Variants in NR2C1 observed in about 807,000 individuals in gnomAD.
NR2C1 encodes the protein nuclear receptor subfamily 2 group C member 1, also known as TR2 nuclear hormone receptor.
A neutral mutation model predicts 74.8 loss-of-function variants in NR2C1; 33 were observed. The observed-to-expected ratio is 0.44, with a 90% CI of 0.33 to 0.59. NR2C1 has a LOEUF of 0.59. Ranked by LOEUF, NR2C1 falls within the 20% of genes least tolerant of loss-of-function variation. The pLI is 0.02. For missense variants in NR2C1, 568 were observed against 715.6 expected, an observed-to-expected ratio of 0.79 and a Z score of 2.35; for synonymous variants, 225 against 240.6, an observed-to-expected ratio of 0.94 and a Z score of 0.60.
At chr12:95,046,774 C>T (rs1209456801) in intron 9 of NR2C1, among the ~76,000 whole-genome samples, 2 of 151,984 alleles carry the variant, frequency 1.3e-5, no homozygotes, top group Non-Finnish European at 2.9e-5. Context: ...TCTTGAAACC[C>T]ATGATCAGAA....
intron 9 of NR2C1, among the ~76,000 whole-genome samples, chr12:95,043,068 A>C (rs115682965): frequency 0.012 from 1,825 of 151,952 alleles, 27 homozygotes; most frequent in African/African-American, 0.042. Context: ...TTTTGAGACC[A>C]ACCTGGGAAA....
At chr12:95,051,245 TG>T (rs1409971811) in intron 8 of NR2C1, among the ~76,000 whole-genome samples, 2 of 152,192 alleles carry the variant, frequency 1.3e-5, no homozygotes, top group African/African-American at 2.4e-5. Flanking sequence ...CCTCTCATGA[TG>T]GGTTGCAGTC....
At chr12:95,045,342 CAT>C (rs1277112277) in intron 9 of NR2C1, among the ~76,000 whole-genome samples, 1 of 152,162 alleles carries the variant, frequency 6.6e-6, no homozygotes, top group Non-Finnish European at 1.5e-5. Context: ...AATTTCATAA[CAT>C]ATGGGCAATG....
At chr12:95,036,093 A>G (rs998308692) in intron 10 of NR2C1, among the ~76,000 whole-genome samples, 1 of 152,184 alleles carries the variant, frequency 6.6e-6, no homozygotes, top group African/African-American at 2.4e-5. Flanking sequence ...AGACTCCTCC[A>G]TTTAAGGTTA....
chr12:95,030,506 T>A, intron 11 of NR2C1: 1 of 1,586,156 alleles, frequency 6.3e-7, no homozygotes, highest in African/African-American at 1.4e-5. Flanking sequence ...GAAGGTAGGC[T>A]TTATAACCAT....
At chr12:95,070,728 C>G (rs1468538987) in intron 1 of NR2C1, among the ~76,000 whole-genome samples, 1 of 152,202 alleles carries the variant, frequency 6.6e-6, no homozygotes, top group East Asian at 1.9e-4. Context: ...ATTATGCATT[C>G]ACAAGGTGCC....
chr12:95,063,674 C>CAA (rs34653320), intron 2 of NR2C1, among the ~76,000 whole-genome samples: 16,952 of 139,246 alleles, frequency 0.12, 1,314 homozygotes, highest in Non-Finnish European at 0.18. Context: ...GACCCTGTCT[C>CAA]AAAAAAAAAA....
chr12:95,060,617 T>C (rs1874651938), intron 3 of NR2C1, among the ~76,000 whole-genome samples: 1 of 152,234 alleles, frequency 6.6e-6, no homozygotes. Flanking sequence ...ACTGCACCAC[T>C]GCACTTTGGC....
At chr12:95,054,509 T>G (rs1873541959) in intron 7 of NR2C1, among the ~76,000 whole-genome samples, 1 of 151,984 alleles carries the variant, frequency 6.6e-6, no homozygotes, top group African/African-American at 2.4e-5. Context: ...TCGCTATGTT[T>G]CCCAGGTTGG....
rs550069594 is a variant in NR2C1 at position 95,053,681 on chromosome 12, G to GTTTTTT, written c.784-1744_784-1739dup. Among the ~76,000 whole-genome samples, 462 of 103,368 alleles carry GTTTTTT rather than the reference G, an allele frequency of 4.5e-3. 15 individuals are homozygous for GTTTTTT. The highest frequency in any genetic ancestry group is 0.015 in the African/African-American group (379 of 24,976). 67.8% of individuals were successfully genotyped at this position (103,368 alleles called of 152,430 possible). On this transcript the variant is annotated intron_variant, in intron 7 of 13. Transcript: ENST00000333003. ...TTCTTCATGGTTTTTTCTTTTTGGT[G>GTTTTTT]TTTTTTTTTTTTTTTTTTTTTGAGA...
chr12:95,062,490 A>ACTTCTATAG lies in NR2C1; in HGVS notation c.285+9_285+17dup, dbSNP rs1286227039. 6.6e-7 allele frequency: 1 copy of ACTTCTATAG among 1,524,488 alleles called. No homozygotes were observed. The highest frequency in any genetic ancestry group is 9.0e-7 in the Non-Finnish European group (1 of 1,114,132). 94.4% of individuals were successfully genotyped at this position (1,524,488 alleles called of 1,614,324 possible). A position where few individuals can be genotyped will look rare whatever the true frequency, so the allele number is the denominator to read the frequency against. ...TTTTATATATGTAAGAGGAAAAGAC[A>ACTTCTATAG]CTTCTATAGTTATTTACCTGCAGGT... is the stretch of plus-strand genomic sequence containing the variant. On this transcript the variant is annotated intron_variant, in intron 3 of 13. Transcript: ENST00000333003.
chr12:95,028,266 T>C, intron 12 of NR2C1, 121 bp downstream of exon 12: 2 of 721,218 alleles, frequency 2.8e-6, no homozygotes, highest in Non-Finnish European at 4.5e-6. Flanking sequence ...TTTGAAGAAC[T>C]ACTGAACTCT....
At chr12:95,024,651 G>A (rs555478240) in intron 13 of NR2C1, among the ~76,000 whole-genome samples, 12 of 152,068 alleles carry the variant, frequency 7.9e-5, no homozygotes, top group Admixed American at 1.3e-4. Flanking sequence ...AGATTGGAGC[G>A]TAGGAGTATG....
Position 95,036,467 on chromosome 12 carries a change from G to A in NR2C1, c.1253+4009C>T, listed in dbSNP as rs547036632. ...AATATGTTAATTTCTTTTACAAATAGGTACAGGTATTTTTCTCTAACTACT... is the reference window on the plus strand; with the variant it reads ...AATATGTTAATTTCTTTTACAAATAAGTACAGGTATTTTTCTCTAACTACT... On this transcript the variant is annotated intron_variant, in intron 10 of 13. Coordinates refer to ENST00000333003, the MANE Select transcript of NR2C1 (RefSeq NM_003297.4). 9.9e-5 allele frequency among the ~76,000 whole-genome samples: 15 copies of A among 151,630 alleles called. No individual in the cohort carries two copies. In the East Asian group the frequency reaches 2.7e-3, roughly 27 times the overall value.
At chr12:95,049,841 G>A (rs1260414632) in intron 8 of NR2C1, among the ~76,000 whole-genome samples, 3 of 152,114 alleles carry the variant, frequency 2.0e-5, no homozygotes, top group Non-Finnish European at 4.4e-5. Context: ...TGTCAGCAAG[G>A]CTGGAGTGCA....
Position 95,051,767 on chromosome 12 carries a change from A to C in NR2C1, c.960T>G (p.Val320=), listed in dbSNP as rs1255949173. ...EFQEMQTNGD[V]SRAFDTLAKA... is the part of the protein sequence containing the mutation. ...ATAATCAAAAGATACCTTACCTTGAAACATCACCGTTGGTCTGCATTTCTT... is the reference window on the plus strand; with the variant it reads ...ATAATCAAAAGATACCTTACCTTGACACATCACCGTTGGTCTGCATTTCTT... Residue 320 remains valine, a synonymous_variant, in exon 8 of 14, where the codon GTT becomes GTG. Transcript: ENST00000333003. 2 of 1,599,982 alleles carry C rather than the reference A, an allele frequency of 1.3e-6. No homozygotes were observed. The highest frequency in any genetic ancestry group is 3.7e-5 in the Admixed American group (2 of 54,698).
intron 9 of NR2C1, among the ~76,000 whole-genome samples, chr12:95,047,531 C>A (rs1872462990): frequency 6.6e-6 from 1 of 152,106 alleles, no homozygotes; most frequent in Non-Finnish European, 1.5e-5. Context: ...TTTATAGATA[C>A]AAATATTACT....
At chr12:95,022,425 GGA>G in intron 13 of NR2C1, 22 bp from the exon 14 acceptor site, 1 of 1,585,094 alleles carries the variant, frequency 6.3e-7, no homozygotes, top group Non-Finnish European at 8.6e-7. Flanking sequence ...AAGAAAAAAG[GGA>G]GAGGAACAAG....
rs1415076523 is a variant in NR2C1 at position 95,021,051 on chromosome 12, T to A, written c.*1178A>T. ...AGTTTTTTTAGTGATCTAAAAGAAATTGGCTAAAACCCATACATGACAGGT... is the reference window on the plus strand; with the variant it reads ...AGTTTTTTTAGTGATCTAAAAGAAAATGGCTAAAACCCATACATGACAGGT... On this transcript the variant is annotated 3_prime_UTR_variant, in exon 14 of 14. Coordinates refer to ENST00000333003, the MANE Select transcript of NR2C1 (RefSeq NM_003297.4). The A allele has an allele frequency of 6.6e-6, 1 of 152,120 alleles. No individual in the cohort carries two copies. Among genetic ancestry groups the A allele is most frequent in the East Asian group, 1.9e-4 (1 of 5,196 alleles). The allele number at this position is 152,120 out of a possible 1,614,324, so 9.4% of individuals were successfully genotyped here.
Sources: gnomAD v4.1 joint callset for allele counts (sites outside exome capture counted in the v4.1 genomes callset) on GRCh38, gnomAD v4.1.1 for gene constraint, MANE v1.5 for transcripts, NCBI Gene and HGNC (gene_info 2026-07-23, HGNC 2026-07-21) for gene names.